The following H2BC5 variants were observed in gnomAD, a reference collection of about 807,000 sequenced individuals.
The protein encoded by H2BC5 is histone H2B type 1-D.
In H2BC5, 9 loss-of-function variants were observed where a neutral mutation model predicts 5.7. The ratio of observed to expected loss-of-function variants is 1.57; its 90% CI spans 0.95 to 2.74. H2BC5 has a LOEUF of 2.74. Among genes scored for constraint, H2BC5 ranks in the 30% most tolerant of loss-of-function variants. The pLI, the probability that H2BC5 is intolerant of heterozygous loss-of-function variation, is 0.00. For missense variants in H2BC5, 175 were observed against 168.8 expected, an observed-to-expected ratio of 1.04 and a Z score of -0.20; for synonymous variants, 133 against 70.9, an observed-to-expected ratio of 1.88 and a Z score of -4.40.
downstream of H2BC5, chr6:26,158,718 G>T: frequency 8.8e-7 from 1 of 1,131,732 alleles, no homozygotes; most frequent in Non-Finnish European, 1.2e-6. Flanking sequence ...AAATAACTTG[G>T]AAGTTACAGG....
chr6:26,167,296 G>C (rs990673475), intron 1 of H2BC5, among the ~76,000 whole-genome samples: 5 of 152,066 alleles, frequency 3.3e-5, no homozygotes, highest in African/African-American at 1.2e-4. Context: ...TTCAAGGTTT[G>C]TCCATGCCAA....
Position 26,158,394 on chromosome 6 carries a change from A to G in H2BC5, c.225A>G (p.Ala75=), listed in dbSNP as rs556742189. Residue 75 remains alanine (A), a synonymous_variant, in exon 1 of 1, where the codon GCA becomes GCG. Transcript: ENST00000377777. ...SFVNDIFERI[A]GEASRLAHYN... is the part of the protein sequence containing the mutation. Reference sequence around the variant, plus strand: ...TCAACGACATCTTCGAGCGCATCGCAGGCGAGGCTTCCCGCCTGGCGCATT... The same window carrying G: ...TCAACGACATCTTCGAGCGCATCGCGGGCGAGGCTTCCCGCCTGGCGCATT... 6 of 1,614,270 alleles carry G rather than the reference A, an allele frequency of 3.7e-6. No homozygotes were observed. The highest frequency in any genetic ancestry group is 4.2e-6 in the Non-Finnish European group (5 of 1,180,046).
In H2BC5 at chr6:26,158,467, C is replaced by T. The variant is rs762932563; in HGVS notation, c.298C>T (p.Arg100Cys). 3 of 1,614,248 alleles carry T rather than the reference C, an allele frequency of 1.9e-6. No homozygotes were observed. Among genetic ancestry groups the T allele is most frequent in the Non-Finnish European group, 2.5e-6 (3 of 1,180,046 alleles). ...CTCCAGGGAGATCCAGACGGCCGTGCGCCTGCTGCTTCCGGGGGAGCTGGC... is the reference window on the plus strand; with the variant it reads ...CTCCAGGGAGATCCAGACGGCCGTGTGCCTGCTGCTTCCGGGGGAGCTGGC... ...ITSREIQTAV[R>C]LLLPGELAKH... is the part of the protein sequence containing the mutation. The change falls in exon 1 of 1, where the codon CGC (arginine) becomes TGC (cysteine). Residue 100 changes from arginine (R) to cysteine (C), a missense_variant. This residue lies in a region of H2BC5 where 43 missense variants were observed against 37.7 expected (regional missense o/e 1.14). Transcript: ENST00000377777.
At chr6:26,161,550 T>C (rs1302734266), downstream of H2BC5, among the ~76,000 whole-genome samples, 1 of 152,058 alleles carries the variant, frequency 6.6e-6, no homozygotes, top group African/African-American at 2.4e-5. Context: ...GCAGGAGGAT[T>C]GCTTGAGCCC....
intron 1 of H2BC5, among the ~76,000 whole-genome samples, chr6:26,168,092 G>C (rs536767090): frequency 2.2e-4 from 34 of 151,902 alleles, no homozygotes; most frequent in African/African-American, 8.2e-4. Flanking sequence ...TATTATTATA[G>C]TCCTGCTTTA....
At chr6:26,166,576 G>C (rs1026705434) in intron 1 of H2BC5, among the ~76,000 whole-genome samples, 3 of 152,114 alleles carry the variant, frequency 2.0e-5, no homozygotes. Flanking sequence ...GGCCAGGGGG[G>C]CTGCCATCTT....
chr6:26,165,753 C>T (rs913479666), intron 1 of H2BC5, among the ~76,000 whole-genome samples: 1 of 152,170 alleles, frequency 6.6e-6, no homozygotes, highest in Non-Finnish European at 1.5e-5. Flanking sequence ...GGCCTGGTCT[C>T]ATCCCCCCTC....
chr6:26,169,454 A>G (rs552363417), intron 1 of H2BC5, among the ~76,000 whole-genome samples: 1 of 152,348 alleles, frequency 6.6e-6, no homozygotes, highest in African/African-American at 2.4e-5. Context: ...CTCATACAGG[A>G]ACTACCAAAT....
chr6:26,159,260 T>TG (rs1764307398), downstream of H2BC5, among the ~76,000 whole-genome samples: 1 of 142,148 alleles, frequency 7.0e-6, no homozygotes, highest in Non-Finnish European at 1.5e-5. Context: ...TTTTTTTTTT[T>TG]TTTTTTTTTT....
chr6:26,162,856 T>C (rs1764371613), downstream of H2BC5, among the ~76,000 whole-genome samples: 1 of 152,104 alleles, frequency 6.6e-6, no homozygotes, highest in African/African-American at 2.4e-5. Flanking sequence ...TTCCTTCTAA[T>C]CTTCTTTTAA....
intron 1 of H2BC5, among the ~76,000 whole-genome samples, chr6:26,168,334 C>T (rs1764466297): frequency 3.3e-5 from 5 of 151,690 alleles, no homozygotes; most frequent in East Asian, 1.9e-4. Flanking sequence ...GGCACATGCT[C>T]GTAATCCTAG....
chr6:26,167,267 C>T (rs927911131), intron 1 of H2BC5, among the ~76,000 whole-genome samples: 6 of 152,134 alleles, frequency 3.9e-5, no homozygotes, highest in Non-Finnish European at 8.8e-5. Context: ...GCCGAGATCT[C>T]TCTTTTCATC....
intron 1 of H2BC5, among the ~76,000 whole-genome samples, chr6:26,166,990 C>A (rs528796416): frequency 2.7e-5 from 4 of 150,670 alleles, no homozygotes; most frequent in Non-Finnish European, 5.9e-5. Flanking sequence ...CATGAGCCAC[C>A]GTGCCCGGCC....
At chr6:26,169,932 G>T (rs1764493480) in intron 1 of H2BC5, among the ~76,000 whole-genome samples, 1 of 151,994 alleles carries the variant, frequency 6.6e-6, no homozygotes, top group Non-Finnish European at 1.5e-5. Flanking sequence ...AAGAAAAAGG[G>T]GGGTGAGGGA....
Position 26,158,202 on chromosome 6 carries a change from AAAG to A in H2BC5, c.37_39del (p.Lys13del), listed in dbSNP as rs1176218644. 6.2e-7 allele frequency: 1 copy of A among 1,614,200 alleles called. No individual in the cohort carries two copies. The highest frequency in any genetic ancestry group is 2.2e-5 in the East Asian group (1 of 44,884). ...AACCTACCAAGTCTGCTCCTGCCCC[AAAG>A]AAGGGCTCCAAGAAGGCGGTGACTA... On this transcript the variant is annotated inframe_deletion, in exon 1 of 1. Coordinates refer to ENST00000377777, the MANE Select transcript of H2BC5 (RefSeq NM_021063.4).
chr6:26,162,828 C>T (rs372477781), downstream of H2BC5, among the ~76,000 whole-genome samples: 36 of 152,200 alleles, frequency 2.4e-4, no homozygotes, highest in South Asian at 5.4e-3. Context: ...TGTGAGCCAC[C>T]GTGCCGAGCC....
At chr6:26,171,176 G>A (rs1764509315) in exon 2 of H2BC5, 2 of 152,162 alleles carry the variant, frequency 1.3e-5, no homozygotes, top group South Asian at 4.1e-4. Flanking sequence ...TGCACTTCAT[G>A]TTACTTTTTG....
At chr6:26,158,735 C>G, downstream of H2BC5, 1 of 993,772 alleles carries the variant, frequency 1.0e-6, no homozygotes, top group Non-Finnish European at 1.5e-6. Flanking sequence ...CAGGGAATAA[C>G]AATAGGTACT....
downstream of H2BC5, among the ~76,000 whole-genome samples, chr6:26,159,954 T>A (rs1048131732): frequency 2.0e-5 from 3 of 152,200 alleles, no homozygotes; most frequent in Admixed American, 6.5e-5. Context: ...CCGTGGAAAC[T>A]GACCAGGGTA....
Sources: allele counts gnomAD v4.1 joint callset (sites outside exome capture counted in the v4.1 genomes callset), GRCh38; gene constraint gnomAD v4.1.1; regional missense constraint gnomAD v4.1.1; transcripts MANE v1.5; gene names NCBI Gene and HGNC (gene_info 2026-07-23, HGNC 2026-07-21).